DPP10: variants seen among roughly 807,000 people sequenced by gnomAD.
DPP10 encodes dipeptidyl peptidase like 10.
DPP10 carries 33 observed loss-of-function variants against 120.9 expected under a neutral mutation model. The observed-to-expected ratio is 0.27, with a 90% CI of 0.21 to 0.37. DPP10 has a LOEUF of 0.37. DPP10 is among the 10% of genes least tolerant of loss of function. The probability of loss-of-function intolerance (pLI) is 1.00; values close to 1 mark genes in which losing one functional copy is unlikely to be tolerated. For synonymous variants in DPP10, 337 were observed against 326.1 expected, an observed-to-expected ratio of 1.03 and a Z score of -0.36; for missense variants, 816 against 942.8, an observed-to-expected ratio of 0.87 and a Z score of 1.76.
At chr2:115,339,907 A>T (rs1250027855) in intron 2 of DPP10, among the ~76,000 whole-genome samples, 1 of 152,188 alleles carries the variant, frequency 6.6e-6, no homozygotes, top group Non-Finnish European at 1.5e-5. Context: ...GTAGAACTAA[A>T]CACGCAAGAA....
At chr2:115,837,438 A>G (rs578179659) in intron 24 of DPP10, among the ~76,000 whole-genome samples, 11 of 152,218 alleles carry the variant, frequency 7.2e-5, no homozygotes, top group Non-Finnish European at 8.8e-5. Context: ...AGAAAAATCA[A>G]TTTCAAAAAG....
chr2:115,243,756 T>C (rs1292165049), intron 1 of DPP10, among the ~76,000 whole-genome samples: 4 of 144,874 alleles, frequency 2.8e-5, no homozygotes, highest in African/African-American at 1.0e-4. Flanking sequence ...TTCTTCTTGC[T>C]GGTTTTTTTT....
chr2:115,358,452 A>G (rs1312370898), intron 3 of DPP10, among the ~76,000 whole-genome samples: 4 of 152,182 alleles, frequency 2.6e-5, no homozygotes, highest in Non-Finnish European at 5.9e-5. Flanking sequence ...GGTCAAAGCC[A>G]TTCAACAAAT....
At chr2:115,531,051 A>G (rs1184576702) in intron 5 of DPP10, among the ~76,000 whole-genome samples, 1 of 152,016 alleles carries the variant, frequency 6.6e-6, no homozygotes, top group Admixed American at 6.6e-5. Context: ...CTTAATCCTT[A>G]TATCTTTTAT....
chr2:114,768,709 G>T lies in DPP10; in HGVS notation c.60+325871G>T, dbSNP rs117458209. Among the ~76,000 whole-genome samples, 117 of 152,232 alleles carry T rather than the reference G, an allele frequency of 7.7e-4. 3 individuals carry two copies. The East Asian group carries it at 0.021, about 27-fold the overall frequency. ...GGGAGCTATTATTCTGCCTACCACA[G>T]GGCCACCTGTCAGAAAGAGAGGGTC... On this transcript the variant is annotated intron_variant, in intron 1 of 25. Transcript: ENST00000410059.
chr2:114,701,789 G>A (rs1482612678), intron 1 of DPP10, among the ~76,000 whole-genome samples: 1 of 151,978 alleles, frequency 6.6e-6, no homozygotes, highest in Non-Finnish European at 1.5e-5. Context: ...TGCCTTGTGG[G>A]GACTTATAAC....
intron 1 of DPP10, among the ~76,000 whole-genome samples, chr2:115,167,016 G>A (rs1276196486): frequency 2.6e-5 from 4 of 152,106 alleles, no homozygotes; most frequent in African/African-American, 7.2e-5. Flanking sequence ...CTGTCTATGG[G>A]TTATGCACTG....
At chr2:114,461,330 A>C (rs1484609016) in intron 1 of DPP10, among the ~76,000 whole-genome samples, 1 of 152,138 alleles carries the variant, frequency 6.6e-6, no homozygotes, top group African/African-American at 2.4e-5. Context: ...CACTCTTAAC[A>C]ATGTTCCTTT....
chr2:114,619,381 ATGTG>A (rs71998520), intron 1 of DPP10, among the ~76,000 whole-genome samples: 4,778 of 146,234 alleles, frequency 0.033, 109 homozygotes, highest in African/African-American at 0.062. Flanking sequence ...ATATATACAT[ATGTG>A]TGTGTGTGTG....
chr2:114,948,486 A>G (rs1385215743), intron 1 of DPP10, among the ~76,000 whole-genome samples: 1 of 152,140 alleles, frequency 6.6e-6, no homozygotes, highest in Non-Finnish European at 1.5e-5. Context: ...GGTCACAGTC[A>G]CTTATACTCC....
intron 1 of DPP10, among the ~76,000 whole-genome samples, chr2:114,784,574 T>G (rs1682609823): frequency 6.6e-6 from 1 of 152,194 alleles, no homozygotes; most frequent in African/African-American, 2.4e-5. Context: ...CGGGCTAATC[T>G]CTAATGCTGG....
chr2:114,660,223 T>G (rs534970404), intron 1 of DPP10, among the ~76,000 whole-genome samples: 7 of 152,194 alleles, frequency 4.6e-5, no homozygotes, highest in Non-Finnish European at 8.8e-5. Context: ...AATAAACAGA[T>G]GTGTACATTA....
intron 1 of DPP10, among the ~76,000 whole-genome samples, chr2:115,253,333 A>G (rs984442060): frequency 1.3e-5 from 2 of 152,188 alleles, no homozygotes; most frequent in African/African-American, 4.8e-5. Flanking sequence ...TATCCAAACT[A>G]TATCATTCCA....
intron 5 of DPP10, among the ~76,000 whole-genome samples, chr2:115,608,994 G>A (rs1224628380): frequency 6.6e-6 from 1 of 151,816 alleles, no homozygotes; most frequent in South Asian, 2.1e-4. Context: ...AGAAAGAACC[G>A]AGAAAATGGG....
At chr2:114,507,263 G>A (rs973049437) in intron 1 of DPP10, among the ~76,000 whole-genome samples, 1 of 151,948 alleles carries the variant, frequency 6.6e-6, no homozygotes, top group African/African-American at 2.4e-5. Context: ...TGTCCCGGCT[G>A]GCCTCAAATT....
chr2:114,604,748 T>C (rs905360433), intron 1 of DPP10, among the ~76,000 whole-genome samples: 1 of 152,126 alleles, frequency 6.6e-6, no homozygotes, highest in African/African-American at 2.4e-5. Context: ...TTGGGGCTGA[T>C]TGGAAAACTT....
intron 5 of DPP10, among the ~76,000 whole-genome samples, chr2:115,685,363 A>G (rs142940155): frequency 1.3e-5 from 2 of 152,032 alleles, no homozygotes; most frequent in Non-Finnish European, 2.9e-5. Context: ...AAGATTAATC[A>G]TTTCTTGGAA....
chr2:115,794,758 C>G (rs777214112), intron 19 of DPP10, among the ~76,000 whole-genome samples: 1 of 152,048 alleles, frequency 6.6e-6, no homozygotes, highest in Non-Finnish European at 1.5e-5. Flanking sequence ...CCCTTAAGGA[C>G]CCGGAGTCCT....
intron 1 of DPP10, among the ~76,000 whole-genome samples, chr2:114,522,068 C>T (rs1353756619): frequency 8.9e-5 from 12 of 134,390 alleles, no homozygotes; most frequent in South Asian, 2.4e-4. Flanking sequence ...CAAGCTCCGC[C>T]TCCCGGGTTC....
Sources: allele counts gnomAD v4.1 joint callset (sites outside exome capture counted in the v4.1 genomes callset), GRCh38; gene constraint gnomAD v4.1.1; transcripts MANE v1.5; gene names NCBI Gene and HGNC (gene_info 2026-07-23, HGNC 2026-07-21).